The following LHFPL6 variants were observed in gnomAD, a reference collection of about 807,000 sequenced individuals.
The protein encoded by LHFPL6 is LHFPL tetraspan subfamily member 6.
Under a neutral mutation model 20.6 loss-of-function variants are expected in LHFPL6, and 9 were observed. That is an observed-to-expected ratio of 0.44 (90% confidence interval 0.26 to 0.76). LHFPL6 has a LOEUF of 0.76. LHFPL6 is among the 30% of genes least tolerant of loss of function. The pLI, the probability that LHFPL6 is intolerant of heterozygous loss-of-function variation, is 0.20. For missense variants in LHFPL6, 218 were observed against 253.5 expected, an observed-to-expected ratio of 0.86 and a Z score of 0.95; for synonymous variants, 105 against 98.7, an observed-to-expected ratio of 1.06 and a Z score of -0.38.
chr13:39,399,915 G>C (rs968742400), intron 2 of LHFPL6, among the ~76,000 whole-genome samples: 1 of 152,094 alleles, frequency 6.6e-6, no homozygotes, highest in Non-Finnish European at 1.5e-5. Context: ...CCAATATGGA[G>C]AAACCCCGTC....
At chr13:39,376,718 A>G (rs1332339369) in intron 3 of LHFPL6, among the ~76,000 whole-genome samples, 2 of 152,158 alleles carry the variant, frequency 1.3e-5, no homozygotes, top group African/African-American at 4.8e-5. Flanking sequence ...CATTAGATCA[A>G]TTCCCTCACA....
At chr13:39,490,208 ACACGGAATT>A (rs1868874304) in intron 2 of LHFPL6, among the ~76,000 whole-genome samples, 1 of 152,220 alleles carries the variant, frequency 6.6e-6, no homozygotes, top group African/African-American at 2.4e-5. Context: ...GGATTCTAAA[ACACGGAATT>A]CCGAAACACA....
chr13:39,399,540 G>A (rs1308135698), intron 2 of LHFPL6, among the ~76,000 whole-genome samples: 3 of 152,132 alleles, frequency 2.0e-5, no homozygotes, highest in Non-Finnish European at 4.4e-5. Context: ...TGGAAATTTA[G>A]GATAGCAGAA....
intron 2 of LHFPL6, among the ~76,000 whole-genome samples, chr13:39,471,884 A>G (rs901260024): frequency 6.6e-6 from 1 of 152,238 alleles, no homozygotes. Flanking sequence ...TTTTCACAAA[A>G]AAGGAATTCA....
chr13:39,377,645 G>A (rs564970024), intron 3 of LHFPL6, among the ~76,000 whole-genome samples: 7 of 152,298 alleles, frequency 4.6e-5, no homozygotes, highest in African/African-American at 1.2e-4. Context: ...TTAAAATGAC[G>A]CAAACCATGG....
chr13:39,564,466 A>G (rs1425287896), intron 2 of LHFPL6, among the ~76,000 whole-genome samples: 1 of 152,170 alleles, frequency 6.6e-6, no homozygotes, highest in South Asian at 2.1e-4. Context: ...ACTTCAAAAA[A>G]TGGCCCATGC....
At chr13:39,470,092 G>A (rs1041886830) in intron 2 of LHFPL6, among the ~76,000 whole-genome samples, 15 of 152,062 alleles carry the variant, frequency 9.9e-5, no homozygotes, top group African/African-American at 2.9e-4. Context: ...CTCTCCACTC[G>A]CTTAAAAAAT....
rs1202675522 is a variant in LHFPL6 at position 39,515,067 on chromosome 13, C to T, written c.385+85765G>A. 2.6e-5 allele frequency among the ~76,000 whole-genome samples: 4 copies of T among 152,244 alleles called. No individual in the cohort carries two copies. In the East Asian group the frequency reaches 7.7e-4, roughly 29 times the overall value. On this transcript the variant is annotated intron_variant, in intron 2 of 3. Coordinates refer to ENST00000379589, the MANE Select transcript of LHFPL6 (RefSeq NM_005780.3). ...TGCTATTGAACTGCGTTCATTGGAT[C>T]CTGATGAGACCTGAATCCCCTTTAA...
chr13:39,530,894 T>C (rs552820722), intron 2 of LHFPL6, among the ~76,000 whole-genome samples: 17 of 151,744 alleles, frequency 1.1e-4, no homozygotes, highest in Non-Finnish European at 2.4e-4. Flanking sequence ...CCAGAGGATG[T>C]TCATTGTCAA....
intron 2 of LHFPL6, among the ~76,000 whole-genome samples, chr13:39,454,984 A>G (rs541506316): frequency 3.3e-5 from 5 of 152,054 alleles, no homozygotes; most frequent in Non-Finnish European, 7.4e-5. Flanking sequence ...CACTTTGGAG[A>G]TTCTGTCAAT....
chr13:39,543,839 T>C (rs74046537), intron 2 of LHFPL6, among the ~76,000 whole-genome samples: 6,816 of 152,264 alleles, frequency 0.045, 340 homozygotes, highest in African/African-American at 0.12. Context: ...AATTGCATAA[T>C]GCCAATTTGT....
intron 3 of LHFPL6, among the ~76,000 whole-genome samples, chr13:39,358,524 A>G (rs904934489): frequency 6.6e-6 from 1 of 151,412 alleles, no homozygotes; most frequent in Non-Finnish European, 1.5e-5. Context: ...AATTGTAATT[A>G]AAAAAAACAA....
intron 2 of LHFPL6, among the ~76,000 whole-genome samples, chr13:39,449,804 G>A (rs887134657): frequency 1.3e-5 from 2 of 149,634 alleles, no homozygotes; most frequent in Non-Finnish European, 3.0e-5. Context: ...CAAGGTCAAT[G>A]GTTAAGAGTT....
At chr13:39,445,143 G>GT (rs1555262778) in intron 2 of LHFPL6, among the ~76,000 whole-genome samples, 1 of 152,108 alleles carries the variant, frequency 6.6e-6, no homozygotes, top group Non-Finnish European at 1.5e-5. Flanking sequence ...CACCAGATAC[G>GT]TCCCCTTGAT....
intron 2 of LHFPL6, among the ~76,000 whole-genome samples, chr13:39,443,710 T>C (rs1011303085): frequency 3.9e-5 from 6 of 152,024 alleles, no homozygotes; most frequent in Non-Finnish European, 5.9e-5. Flanking sequence ...AAGCAAGATA[T>C]AGATGGTCCC....
intron 3 of LHFPL6, among the ~76,000 whole-genome samples, chr13:39,365,195 G>C (rs974027174): frequency 6.6e-6 from 1 of 152,156 alleles, no homozygotes; most frequent in Admixed American, 6.6e-5. Flanking sequence ...TCTAATTACT[G>C]CTCCTCCATG....
chr13:39,576,044 A>C (rs773077201), intron 2 of LHFPL6, among the ~76,000 whole-genome samples: 1 of 152,140 alleles, frequency 6.6e-6, no homozygotes, highest in Non-Finnish European at 1.5e-5. Context: ...TTGTAAACGA[A>C]ACCTACCCCA....
intron 2 of LHFPL6, among the ~76,000 whole-genome samples, chr13:39,539,467 C>T (rs575557435): frequency 3.3e-5 from 5 of 152,320 alleles, no homozygotes; most frequent in Non-Finnish European, 1.5e-5. Context: ...GATAAGTGGA[C>T]GATTGGGCCC....
intron 2 of LHFPL6, among the ~76,000 whole-genome samples, chr13:39,583,071 T>A (rs1872337567): frequency 6.6e-6 from 1 of 151,870 alleles, no homozygotes; most frequent in South Asian, 2.1e-4. Context: ...CTTGGGGAGT[T>A]ACAATCAGAG....
Sources: gnomAD v4.1 joint callset for allele counts (sites outside exome capture counted in the v4.1 genomes callset) on GRCh38, gnomAD v4.1.1 for gene constraint, MANE v1.5 for transcripts, NCBI Gene and HGNC (gene_info 2026-07-23, HGNC 2026-07-21) for gene names.